Variants in VPS13B observed in about 807,000 individuals in gnomAD.
The protein encoded by VPS13B is intermembrane lipid transfer protein VPS13B.
Under a neutral mutation model 426.4 loss-of-function variants are expected in VPS13B, and 285 were observed. The ratio of observed to expected loss-of-function variants is 0.67; its 90% CI spans 0.61 to 0.74. VPS13B has a LOEUF of 0.74. VPS13B is among the 30% of genes least tolerant of loss of function. VPS13B has a pLI of 0.00. For synonymous variants in VPS13B, 1,676 were observed against 1,676.4 expected (o/e 1.00, Z 0.01); for missense variants, 4,537 against 4,782.6 (o/e 0.95, Z 1.51).
chr8:99,591,347 T>A (rs1034480232), intron 33 of VPS13B, among the ~76,000 whole-genome samples: 1 of 152,072 alleles, frequency 6.6e-6, no homozygotes, highest in African/African-American at 2.4e-5. Flanking sequence ...TTTAGCCCAT[T>A]TACATTTAAG....
At chr8:99,851,512 G>A (rs886683528) in intron 55 of VPS13B, among the ~76,000 whole-genome samples, 2 of 152,222 alleles carry the variant, frequency 1.3e-5, no homozygotes, top group African/African-American at 4.8e-5. Flanking sequence ...CTGGGAAAGT[G>A]TAGTTTTAAA....
At chr8:99,861,531 G>A (rs1816831965) in intron 57 of VPS13B, among the ~76,000 whole-genome samples, 1 of 152,198 alleles carries the variant, frequency 6.6e-6, no homozygotes, top group Non-Finnish European at 1.5e-5. Context: ...CGAACTGCTA[G>A]GCTCAAGCAA....
chr8:99,030,461 A>T (rs374886956), intron 2 of VPS13B, among the ~76,000 whole-genome samples: 124 of 144,876 alleles, frequency 8.6e-4, no homozygotes, highest in African/African-American at 2.8e-3. Flanking sequence ...TGAGTGAGTG[A>T]GTGTGTGTGT....
chr8:99,421,247 C>T (rs566632501), intron 21 of VPS13B, among the ~76,000 whole-genome samples: 1 of 152,176 alleles, frequency 6.6e-6, no homozygotes, highest in South Asian at 2.1e-4. Context: ...TTATTTTAAC[C>T]ACTGAAATTT....
chr8:99,821,951 T>C (rs1814393356), intron 50 of VPS13B, among the ~76,000 whole-genome samples: 1 of 152,218 alleles, frequency 6.6e-6, no homozygotes, highest in African/African-American at 2.4e-5. Context: ...CACTGTTATA[T>C]GAGGAAGTTA....
chr8:99,132,529 A>G (rs139103570), intron 8 of VPS13B, among the ~76,000 whole-genome samples: 5 of 152,246 alleles, frequency 3.3e-5, no homozygotes, highest in East Asian at 1.9e-4. Context: ...ATGAATCACA[A>G]ATGTTCTTAA....
chr8:99,077,907 A>T (rs1229634747), intron 3 of VPS13B, among the ~76,000 whole-genome samples: 2 of 152,094 alleles, frequency 1.3e-5, no homozygotes, highest in East Asian at 3.8e-4. Flanking sequence ...AAAAGAAAAA[A>T]GTTATCTTAA....
At chr8:99,027,278 T>C (rs1269896079) in intron 2 of VPS13B, among the ~76,000 whole-genome samples, 1 of 152,216 alleles carries the variant, frequency 6.6e-6, no homozygotes, top group East Asian at 1.9e-4. Context: ...AAGGTTATTA[T>C]TGATAGGTGA....
At chr8:99,462,968 C>A (rs905995377) in intron 23 of VPS13B, among the ~76,000 whole-genome samples, 1 of 152,184 alleles carries the variant, frequency 6.6e-6, no homozygotes, top group African/African-American at 2.4e-5. Context: ...ATTGTTTAAG[C>A]CACTAGTCTA....
rs183080498 is a variant in VPS13B at position 99,854,246 on chromosome 8, T to C, written c.10857T>C (p.Leu3619=). 1.9e-6 allele frequency: 3 copies of C among 1,613,678 alleles called. No homozygotes were observed. The highest frequency in any genetic ancestry group is 2.7e-5 in the African/African-American group (2 of 74,990). ...ALAMHYAAGA[L]FRAGWVVGSL... ...CAATGCACTATGCCGCTGGGGCCCT[T>C]TTTAGAGCAGGTAAGAACACAAGCT... Residue 3619 remains leucine, a synonymous_variant, in exon 56 of 62, where the codon CTT becomes CTC. Transcript: ENST00000357162.
intron 23 of VPS13B, among the ~76,000 whole-genome samples, chr8:99,448,950 T>A (rs1588391234): frequency 6.6e-6 from 1 of 152,196 alleles, no homozygotes; most frequent in African/African-American, 2.4e-5. Flanking sequence ...TCCATTCTAC[T>A]TCTCTGATAC....
chr8:99,546,072 A>G (rs1823956589), intron 30 of VPS13B, among the ~76,000 whole-genome samples: 1 of 152,026 alleles, frequency 6.6e-6, no homozygotes, highest in South Asian at 2.1e-4. Context: ...CTTTCTTTAC[A>G]AATAGAGAAT....
intron 19 of VPS13B, among the ~76,000 whole-genome samples, chr8:99,276,174 A>G (rs1054984190): frequency 6.6e-6 from 1 of 152,174 alleles, no homozygotes; most frequent in African/African-American, 2.4e-5. Flanking sequence ...CAGTGCACAA[A>G]TGAATATATA....
intron 16 of VPS13B, among the ~76,000 whole-genome samples, chr8:99,177,663 T>C (rs1812709834): frequency 6.6e-6 from 1 of 152,154 alleles, no homozygotes; most frequent in African/African-American, 2.4e-5. Context: ...TGGGGTGAAG[T>C]TGTATAGGCA....
At chr8:99,164,083 G>A (rs1030614341) in intron 15 of VPS13B, among the ~76,000 whole-genome samples, 5 of 152,176 alleles carry the variant, frequency 3.3e-5, no homozygotes, top group Non-Finnish European at 7.3e-5. Flanking sequence ...CCTTCAGAGG[G>A]GAACTCTCCA....
At chr8:99,490,973 C>T (rs1211446678) in intron 25 of VPS13B, among the ~76,000 whole-genome samples, 1 of 152,082 alleles carries the variant, frequency 6.6e-6, no homozygotes, top group African/African-American at 2.4e-5. Context: ...TGTTGCTTCT[C>T]TAGTTCTTTT....
chr8:99,153,734 A>G (rs1811200275), intron 14 of VPS13B, among the ~76,000 whole-genome samples: 3 of 152,144 alleles, frequency 2.0e-5, no homozygotes, highest in African/African-American at 7.2e-5. Flanking sequence ...AGATCAATTA[A>G]GAATAACAAA....
chr8:99,639,306 A>G (rs1263373974), intron 33 of VPS13B, among the ~76,000 whole-genome samples: 1 of 152,202 alleles, frequency 6.6e-6, no homozygotes, highest in African/African-American at 2.4e-5. Context: ...TAAGATCACC[A>G]AGAAGGAAAA....
chr8:99,387,461 C>T (rs183259227), intron 20 of VPS13B, among the ~76,000 whole-genome samples: 2 of 152,100 alleles, frequency 1.3e-5, no homozygotes, highest in East Asian at 3.9e-4. Context: ...AGGTTCAAGT[C>T]ATCTACCCAC....
Sources: gnomAD v4.1 joint callset for allele counts (sites outside exome capture counted in the v4.1 genomes callset) on GRCh38, gnomAD v4.1.1 for gene constraint, MANE v1.5 for transcripts, NCBI Gene and HGNC (gene_info 2026-07-23, HGNC 2026-07-21) for gene names.